Variants in CADPS2 observed in about 807,000 individuals in gnomAD.
CADPS2 encodes the protein calcium dependent secretion activator 2.
Under a neutral mutation model 172.5 loss-of-function variants are expected in CADPS2, and 93 were observed. The observed-to-expected ratio is 0.54, with a 90% confidence interval of 0.46 to 0.64. The LOEUF is 0.64. Ranked by LOEUF, CADPS2 falls within the 30% of genes least tolerant of loss-of-function variation. CADPS2 has a pLI of 0.00. For missense variants in CADPS2, 1,420 were observed against 1,565.9 expected (o/e 0.91, Z 1.57); for synonymous variants, 546 against 555.2 (o/e 0.98, Z 0.23).
chr7:122,415,999 T>C, intron 18 of CADPS2, 62 bp downstream of exon 18: 3 of 1,027,438 alleles, frequency 2.9e-6, no homozygotes, highest in South Asian at 2.0e-5. Flanking sequence ...TTATTCAGTG[T>C]AGCCACAACC....
At chr7:122,375,519 G>A (rs140730396) in intron 25 of CADPS2, among the ~76,000 whole-genome samples, 65 of 152,076 alleles carry the variant, frequency 4.3e-4, no homozygotes, top group African/African-American at 1.6e-3. Context: ...TGGGAAAAGT[G>A]GATGTACACA....
chr7:122,631,756 C>T (rs2076598673), intron 3 of CADPS2, among the ~76,000 whole-genome samples: 1 of 151,436 alleles, frequency 6.6e-6, no homozygotes, highest in Non-Finnish European at 1.5e-5. Flanking sequence ...GGGTATATTA[C>T]ATGTTGTTGA....
chr7:122,674,789 G>A (rs1262789613), intron 2 of CADPS2, among the ~76,000 whole-genome samples: 1 of 152,176 alleles, frequency 6.6e-6, no homozygotes, highest in African/African-American at 2.4e-5. Flanking sequence ...CATGTGTTCA[G>A]CAAAACGCTG....
At chr7:122,528,737 T>C (rs902038781) in intron 8 of CADPS2, among the ~76,000 whole-genome samples, 3 of 152,128 alleles carry the variant, frequency 2.0e-5, no homozygotes, top group African/African-American at 4.8e-5. Flanking sequence ...GTAGGAAAAA[T>C]AGCTTTTGAC....
chr7:122,542,918 T>C (rs2063249256), intron 8 of CADPS2, among the ~76,000 whole-genome samples: 1 of 152,052 alleles, frequency 6.6e-6, no homozygotes, highest in Admixed American at 6.6e-5. Context: ...AAGACAGTAT[T>C]TTTCAGTTAC....
chr7:122,479,830 TGTTA>T (rs548130325), intron 12 of CADPS2, among the ~76,000 whole-genome samples: 78 of 152,318 alleles, frequency 5.1e-4, no homozygotes, highest in Non-Finnish European at 9.6e-4. Flanking sequence ...CAAAATTAAA[TGTTA>T]GTTTATATTT....
At chr7:122,510,033 TCAAATA>T (rs1282339324) in intron 9 of CADPS2, among the ~76,000 whole-genome samples, 3 of 152,104 alleles carry the variant, frequency 2.0e-5, no homozygotes, top group African/African-American at 4.8e-5. Context: ...TGTTCAAATC[TCAAATA>T]CAGAGTGTTA....
At chr7:122,434,207 C>T (rs964161388) in intron 17 of CADPS2, among the ~76,000 whole-genome samples, 1 of 151,980 alleles carries the variant, frequency 6.6e-6, no homozygotes, top group Non-Finnish European at 1.5e-5. Flanking sequence ...ACAATCAGTC[C>T]CATATTTTTT....
chr7:122,665,477 A>G (rs1402240671), intron 2 of CADPS2, among the ~76,000 whole-genome samples: 1 of 152,186 alleles, frequency 6.6e-6, no homozygotes, highest in Non-Finnish European at 1.5e-5. Flanking sequence ...TTATGTCCTA[A>G]TAAGCCTGTC....
At chr7:122,412,349 C>T (rs1332523101) in intron 19 of CADPS2, among the ~76,000 whole-genome samples, 1 of 152,100 alleles carries the variant, frequency 6.6e-6, no homozygotes, top group Non-Finnish European at 1.5e-5. Context: ...ATTCCTTAGG[C>T]ATGCATGCCA....
chr7:122,663,215 G>T (rs2080804389), intron 3 of CADPS2, 22 bp downstream of exon 3: 2 of 1,538,896 alleles, frequency 1.3e-6, no homozygotes, highest in East Asian at 2.3e-5. Flanking sequence ...CAGGGGAAGG[G>T]AAAATATCAG....
chr7:122,482,487 A>G (rs1249086246), intron 11 of CADPS2, among the ~76,000 whole-genome samples: 1 of 152,180 alleles, frequency 6.6e-6, no homozygotes, highest in Admixed American at 6.5e-5. Context: ...AAATTGAGAA[A>G]CCATGCTTTA....
chr7:122,818,703 T>G (rs77348496), intron 1 of CADPS2, among the ~76,000 whole-genome samples: 1 of 152,248 alleles, frequency 6.6e-6, no homozygotes, highest in African/African-American at 2.4e-5. Flanking sequence ...CAGCTTACAG[T>G]TTTGTTCCCT....
chr7:122,572,302 G>C (rs1220375530), intron 7 of CADPS2, among the ~76,000 whole-genome samples: 1 of 152,060 alleles, frequency 6.6e-6, no homozygotes, highest in Non-Finnish European at 1.5e-5. Flanking sequence ...TCACAGAAAA[G>C]TTATCCTTCC....
rs937551586 is a variant in CADPS2 at position 122,416,019 on chromosome 7, C to G, written c.2580+42G>C. ...CAGTGTAGCCACAACCATGGTGAAGCCTTACATATAGCTTTATACTACAGT... is the reference window on the plus strand; with the variant it reads ...CAGTGTAGCCACAACCATGGTGAAGGCTTACATATAGCTTTATACTACAGT... On this transcript the variant is annotated intron_variant, in intron 18 of 29. Coordinates refer to ENST00000449022, the MANE Select transcript of CADPS2 (RefSeq NM_017954.11). 10 of 1,258,556 alleles carry G rather than the reference C, an allele frequency of 7.9e-6. No individual in the cohort carries two copies. The Admixed American group carries it at 2.1e-4, about 26-fold the overall frequency. 78.0% of individuals were successfully genotyped at this position (1,258,556 alleles called of 1,614,324 possible). A position where few individuals can be genotyped will look rare whatever the true frequency, so the allele number is the denominator to read the frequency against.
intron 1 of CADPS2, among the ~76,000 whole-genome samples, chr7:122,780,381 G>A (rs1792370076): frequency 1.3e-5 from 2 of 151,992 alleles, no homozygotes; most frequent in Non-Finnish European, 2.9e-5. Context: ...ATATAAATAT[G>A]CATCCAACTA....
intron 8 of CADPS2, among the ~76,000 whole-genome samples, chr7:122,541,885 AT>A (rs2063125487): frequency 7.0e-6 from 1 of 143,766 alleles, no homozygotes; most frequent in Non-Finnish European, 1.5e-5. Context: ...ATTTATATAT[AT>A]TCATATATAT....
chr7:122,424,816 G>T (rs2048945055), intron 17 of CADPS2, among the ~76,000 whole-genome samples: 1 of 152,086 alleles, frequency 6.6e-6, no homozygotes, highest in African/African-American at 2.4e-5. Context: ...CTACAGCATT[G>T]CTGGCTGCAA....
In CADPS2 at chr7:122,750,438, T is replaced by G. The variant is rs1035223321; in HGVS notation, c.340-13370A>C. Among the ~76,000 whole-genome samples, 20 of 152,254 alleles carry G rather than the reference T, an allele frequency of 1.3e-4. No individual in the cohort carries two copies. The South Asian group carries it at 1.9e-3, about 14-fold the overall frequency. On this transcript the variant is annotated intron_variant, in intron 1 of 29. Coordinates refer to ENST00000449022, the MANE Select transcript of CADPS2 (RefSeq NM_017954.11). ...ATTGTGTCTTCTGATGCCCCCTCTT[T>G]CTATGTCTTTGACAACATCTTCCTT...
Sources: gnomAD v4.1 joint callset for allele counts (sites outside exome capture counted in the v4.1 genomes callset) on GRCh38, gnomAD v4.1.1 for gene constraint, MANE v1.5 for transcripts, NCBI Gene and HGNC (gene_info 2026-07-23, HGNC 2026-07-21) for gene names.